Variants in USP34 observed in about 807,000 individuals in gnomAD.
USP34 encodes the protein ubiquitin carboxyl-terminal hydrolase 34.
A neutral mutation model predicts 460.3 loss-of-function variants in USP34; 70 were observed. That is an observed-to-expected ratio of 0.15 (90% CI 0.13 to 0.19). The LOEUF (loss-of-function observed/expected upper bound fraction) is 0.19, where lower values mean the gene tolerates loss of function less well. Among genes scored for constraint, USP34 ranks in the 10% least tolerant of loss-of-function variants. The pLI is 1.00. For synonymous variants in USP34, 1,647 were observed against 1,405.3 expected, an observed-to-expected ratio of 1.17 and a Z score of -3.85; for missense variants, 3,985 against 4,236.2, an observed-to-expected ratio of 0.94 and a Z score of 1.65.
chr2:61,367,603 A>C (rs1019397569), intron 10 of USP34, among the ~76,000 whole-genome samples: 2 of 152,190 alleles, frequency 1.3e-5, no homozygotes, highest in Non-Finnish European at 2.9e-5. Context: ...AAAATATTTT[A>C]ATTTTATATA....
At chr2:61,271,189 T>C (rs918846226) in intron 41 of USP34, among the ~76,000 whole-genome samples, 1 of 152,100 alleles carries the variant, frequency 6.6e-6, no homozygotes, top group South Asian at 2.1e-4. Flanking sequence ...TAATCCCAGC[T>C]ACTCTTTGGG....
intron 1 of USP34, among the ~76,000 whole-genome samples, chr2:61,452,905 CAAA>C (rs57925421): frequency 2.4e-5 from 3 of 127,134 alleles, no homozygotes; most frequent in African/African-American, 9.0e-5. Context: ...ACCCCACAAC[CAAA>C]AAAAAAAAAA....
At chr2:61,337,901 G>A (rs1691472368) in intron 18 of USP34, among the ~76,000 whole-genome samples, 2 of 152,088 alleles carry the variant, frequency 1.3e-5, no homozygotes, top group Admixed American at 1.3e-4. Context: ...ACAAATTATT[G>A]AACCACTTAT....
intron 2 of USP34, among the ~76,000 whole-genome samples, chr2:61,411,995 G>A (rs1411201508): frequency 6.6e-6 from 1 of 151,880 alleles, no homozygotes; most frequent in Non-Finnish European, 1.5e-5. Context: ...TTTGAGATCA[G>A]CCTGACCAAC....
At chr2:61,282,786 G>A (rs1474256477) in intron 37 of USP34, among the ~76,000 whole-genome samples, 1 of 151,204 alleles carries the variant, frequency 6.6e-6, no homozygotes, top group African/African-American at 2.4e-5. Context: ...GGAACAGGGA[G>A]ATTCTGTCTC....
In USP34 at chr2:61,278,158, C is replaced by T; in HGVS notation, c.5433+7G>A. On this transcript the variant is annotated splice_region_variant and intron_variant, in intron 41 of 79. Coordinates refer to ENST00000398571, the MANE Select transcript of USP34 (RefSeq NM_014709.4). ...TCATAGAAACATTTGATTATCTTAA[C>T]ACTTACCTGTCCTTCCCTTGAAAAT... 6.2e-7 allele frequency: 1 copy of T among 1,611,552 alleles called. No individual in the cohort carries two copies. Among genetic ancestry groups the T allele is most frequent in the Non-Finnish European group, 8.5e-7 (1 of 1,178,680 alleles).
chr2:61,460,698 T>C (rs1695573131), intron 1 of USP34, among the ~76,000 whole-genome samples: 1 of 152,008 alleles, frequency 6.6e-6, no homozygotes. Context: ...ATAAAACAGG[T>C]AGAAGGCCGG....
intron 21 of USP34, among the ~76,000 whole-genome samples, chr2:61,323,708 G>C (rs556993001): frequency 6.6e-6 from 1 of 152,182 alleles, no homozygotes; most frequent in Admixed American, 6.5e-5. Context: ...AATTCTCAGA[G>C]AATCTATACT....
intron 1 of USP34, among the ~76,000 whole-genome samples, chr2:61,432,208 A>G (rs1400542559): frequency 1.3e-5 from 2 of 151,652 alleles, no homozygotes; most frequent in Non-Finnish European, 2.9e-5. Flanking sequence ...ATGTAGTGAC[A>G]TTTTCCTGTA....
intron 6 of USP34, among the ~76,000 whole-genome samples, chr2:61,382,457 C>G (rs1185128626): frequency 6.6e-6 from 1 of 152,176 alleles, no homozygotes; most frequent in Non-Finnish European, 1.5e-5. Context: ...GAATAGCTGA[C>G]TCACGTCCAT....
chr2:61,273,238 A>C (rs561939146), intron 41 of USP34, among the ~76,000 whole-genome samples: 5 of 152,230 alleles, frequency 3.3e-5, no homozygotes, highest in Non-Finnish European at 7.3e-5. Flanking sequence ...AAATACAACA[A>C]ATCATACTCT....
At chr2:61,251,303 CTA>C (rs953118890) in intron 48 of USP34, among the ~76,000 whole-genome samples, 2 of 152,114 alleles carry the variant, frequency 1.3e-5, no homozygotes, top group East Asian at 1.9e-4. Flanking sequence ...AGCTAAAAAA[CTA>C]TATTTCAAAA....
At chr2:61,283,311 G>C in intron 36 of USP34, 42 bp from the exon 37 acceptor site, 2 of 1,594,558 alleles carry the variant, frequency 1.3e-6, no homozygotes, top group Non-Finnish European at 1.7e-6. Flanking sequence ...AAAGGTTTGT[G>C]CTAAAATGAA....
intron 2 of USP34, among the ~76,000 whole-genome samples, chr2:61,411,937 C>A (rs1388947906): frequency 6.6e-6 from 1 of 151,992 alleles, no homozygotes; most frequent in African/African-American, 2.4e-5. Context: ...GCCTGTAAAT[C>A]CCAGCACTTT....
intron 53 of USP34, among the ~76,000 whole-genome samples, chr2:61,237,867 A>C (rs1572860529): frequency 6.7e-6 from 1 of 149,570 alleles, no homozygotes; most frequent in South Asian, 2.1e-4. Flanking sequence ...CATCCTGCCC[A>C]CCCTGCCCAG....
In USP34 at chr2:61,348,328, T is replaced by C; in HGVS notation, c.1827A>G (p.Val609=). ...CAATATCTGCAATGTCTTCTGACTGTACCTCACTGCCAGGGCTCCCAGCTG... is the reference window on the plus strand; with the variant it reads ...CAATATCTGCAATGTCTTCTGACTGCACCTCACTGCCAGGGCTCCCAGCTG... ...SQSAGSPGSE[V]QSEDIADIEA... is the part of the protein sequence containing the mutation. Residue 609 remains valine, a synonymous_variant, in exon 15 of 80, where the codon GTA becomes GTG. Transcript: ENST00000398571. 3 of 1,614,216 alleles carry C rather than the reference T, an allele frequency of 1.9e-6. No homozygotes were observed. The highest frequency in any genetic ancestry group is 1.1e-5 in the South Asian group (1 of 91,090).
At chr2:61,232,325 T>G in intron 58 of USP34, 127 bp downstream of exon 58, 2 of 764,646 alleles carry the variant, frequency 2.6e-6, no homozygotes, top group Middle Eastern at 3.7e-4. Context: ...ACTTTTATGA[T>G]AGGAGGCAGA....
chr2:61,452,925 A>AAAC (rs1194711378), intron 1 of USP34, among the ~76,000 whole-genome samples: 1 of 150,382 alleles, frequency 6.6e-6, no homozygotes, highest in African/African-American at 2.4e-5. Flanking sequence ...AAAAAAAAAA[A>AAAC]AACACCCACA....
chr2:61,206,967 G>A (rs765295399), intron 70 of USP34, 81 bp from the exon 71 acceptor site: 41 of 1,440,684 alleles, frequency 2.8e-5, no homozygotes, highest in Non-Finnish European at 3.6e-5. Context: ...CGTCCTCTAC[G>A]ATAGATGTTT....
Sources: gnomAD v4.1 joint callset for allele counts (sites outside exome capture counted in the v4.1 genomes callset) on GRCh38, gnomAD v4.1.1 for gene constraint, MANE v1.5 for transcripts, NCBI Gene and HGNC (gene_info 2026-07-23, HGNC 2026-07-21) for gene names.